Variants in KDM2A observed in about 807,000 individuals in gnomAD.
The protein encoded by KDM2A is lysine-specific demethylase 2A.
A neutral mutation model predicts 137.3 loss-of-function variants in KDM2A; 3 were observed. That is an observed-to-expected ratio of 0.02 (90% confidence interval 0.01 to 0.06). KDM2A has a LOEUF of 0.06. Ranked by LOEUF, KDM2A falls within the 10% of genes least tolerant of loss-of-function variation. The pLI is 1.00. For synonymous variants in KDM2A, 512 were observed against 541.5 expected (o/e 0.95, Z 0.76); for missense variants, 738 against 1,510.6 (o/e 0.49, Z 8.48).
At chr11:67,182,852 A>T (rs1021725809) in intron 5 of KDM2A, among the ~76,000 whole-genome samples, 1 of 152,204 alleles carries the variant, frequency 6.6e-6, no homozygotes, top group Non-Finnish European at 1.5e-5. Context: ...TCTTTTTGAA[A>T]TGCGTCCAAT....
At chr11:67,181,011 G>T (rs898336719) in intron 3 of KDM2A, among the ~76,000 whole-genome samples, 1 of 142,494 alleles carries the variant, frequency 7.0e-6, no homozygotes, top group Non-Finnish European at 1.5e-5. Flanking sequence ...GATAATTTCT[G>T]TTTAGCATTT....
chr11:67,215,481 T>C (rs1192449055), intron 7 of KDM2A, 35 bp downstream of exon 7: 3 of 1,394,476 alleles, frequency 2.2e-6, no homozygotes, highest in East Asian at 4.6e-5. Context: ...CTCCGTGTGC[T>C]GTGGGAGACC....
chr11:67,223,944 C>T (rs1004391881), intron 10 of KDM2A, among the ~76,000 whole-genome samples: 3 of 152,150 alleles, frequency 2.0e-5, no homozygotes, highest in South Asian at 2.1e-4. Context: ...ATTTTACTTC[C>T]GTGTAAGAGA....
At chr11:67,237,888 T>G (rs1858915774) in intron 12 of KDM2A, among the ~76,000 whole-genome samples, 2 of 151,976 alleles carry the variant, frequency 1.3e-5, no homozygotes, top group Non-Finnish European at 1.5e-5. Context: ...CCACTGCACT[T>G]TAGCCTGGGC....
At chr11:67,224,464 T>TC (rs1259510182) in intron 10 of KDM2A, among the ~76,000 whole-genome samples, 4 of 132,284 alleles carry the variant, frequency 3.0e-5, no homozygotes, top group East Asian at 4.4e-4. Flanking sequence ...CCCCTTTCTT[T>TC]TTTTTTTTTT....
At chr11:67,222,668 C>G (rs1858398908) in intron 10 of KDM2A, among the ~76,000 whole-genome samples, 1 of 135,720 alleles carries the variant, frequency 7.4e-6, no homozygotes, top group South Asian at 2.5e-4. Flanking sequence ...AGGCGCCCCT[C>G]AAAACTCTGT....
chr11:67,247,548 C>T (rs1470486409), intron 15 of KDM2A, among the ~76,000 whole-genome samples: 1 of 150,748 alleles, frequency 6.6e-6, no homozygotes, highest in Non-Finnish European at 1.5e-5. Flanking sequence ...CTGCCTCAGC[C>T]TCCTGAGTAG....
At chr11:67,171,203 A>T (rs1856875801) in intron 2 of KDM2A, among the ~76,000 whole-genome samples, 1 of 152,192 alleles carries the variant, frequency 6.6e-6, no homozygotes, top group South Asian at 2.1e-4. Context: ...GATACATAGA[A>T]GTTGAGAGGA....
Position 67,253,506 on chromosome 11 carries a change from A to G in KDM2A, c.2986A>G (p.Ser996Gly), listed in dbSNP as rs978269064. 14 of 1,613,724 alleles carry G rather than the reference A, an allele frequency of 8.7e-6. No individual in the cohort carries two copies. The Admixed American group carries it at 1.0e-4, about 12-fold the overall frequency. Residue 996 changes from serine to glycine, a missense_variant, in exon 19 of 21, where the codon AGC becomes GGC. Transcript: ENST00000529006. ...GCSWSAVSALSTSSCPLLRTL... is the reference protein window; with the variant it reads ...GCSWSAVSALGTSSCPLLRTL... Reference sequence around the variant, plus strand: ...CTCCTGGTCTGCAGTCTCTGCCCTCAGCACCTCCAGCTGCCCCCTTCTCAG... The same window carrying G: ...CTCCTGGTCTGCAGTCTCTGCCCTCGGCACCTCCAGCTGCCCCCTTCTCAG...
chr11:67,255,321 G>A lies in KDM2A; in HGVS notation c.*266G>A, dbSNP rs553016868. 3.9e-6 allele frequency: 2 copies of A among 508,782 alleles called. No individual in the cohort carries two copies. Among genetic ancestry groups the A allele is most frequent in the African/African-American group, 3.9e-5 (2 of 51,882 alleles). 31.5% of individuals were successfully genotyped at this position (508,782 alleles called of 1,614,324 possible). A position where few individuals can be genotyped will look rare whatever the true frequency, so the allele number is the denominator to read the frequency against. ...GGCTGTGCTGTCGAGGCGCCTGCTC[G>A]CTTACTCGCCTGCCAGGAGGCCGGG... On this transcript the variant is annotated 3_prime_UTR_variant, in exon 21 of 21. Transcript: ENST00000529006.
chr11:67,131,411 T>TC (rs1373185436), intron 2 of KDM2A, among the ~76,000 whole-genome samples: 2 of 146,710 alleles, frequency 1.4e-5, no homozygotes, highest in Non-Finnish European at 3.0e-5. Flanking sequence ...TGTTTTCTTT[T>TC]CTTTTTTTTT....
At chr11:67,158,038 C>T (rs1469899131) in intron 2 of KDM2A, among the ~76,000 whole-genome samples, 1 of 152,034 alleles carries the variant, frequency 6.6e-6, no homozygotes, top group Non-Finnish European at 1.5e-5. Context: ...AAATTATCCA[C>T]CATTACAGTA....
At chr11:67,212,018 A>C (rs1271877100) in intron 6 of KDM2A, among the ~76,000 whole-genome samples, 1 of 152,182 alleles carries the variant, frequency 6.6e-6, no homozygotes, top group Non-Finnish European at 1.5e-5. Flanking sequence ...ATAAACAGCC[A>C]GGCAAAGTAG....
intron 2 of KDM2A, among the ~76,000 whole-genome samples, chr11:67,138,309 T>C (rs1856015441): frequency 1.3e-5 from 2 of 152,236 alleles, no homozygotes; most frequent in South Asian, 4.1e-4. Flanking sequence ...ACATAAAATG[T>C]AGAGAACACA....
chr11:67,156,260 A>G (rs1179929779), intron 2 of KDM2A, among the ~76,000 whole-genome samples: 3 of 151,072 alleles, frequency 2.0e-5, no homozygotes, highest in Non-Finnish European at 2.9e-5. Flanking sequence ...AAAAAAAAAA[A>G]AAATCACAAG....
chr11:67,187,281 T>A (rs917816371), intron 5 of KDM2A, among the ~76,000 whole-genome samples: 2 of 152,106 alleles, frequency 1.3e-5, no homozygotes, highest in Middle Eastern at 3.2e-3. Context: ...AATACCAAAA[T>A]GACAGAAGTA....
chr11:67,199,341 A>G (rs1270248299), intron 5 of KDM2A, among the ~76,000 whole-genome samples: 1 of 152,216 alleles, frequency 6.6e-6, no homozygotes, highest in African/African-American at 2.4e-5. Flanking sequence ...CAAAAGTTAG[A>G]AATGATTAAG....
intron 5 of KDM2A, among the ~76,000 whole-genome samples, chr11:67,194,298 C>G (rs958231808): frequency 6.6e-6 from 1 of 152,260 alleles, no homozygotes; most frequent in Non-Finnish European, 1.5e-5. Context: ...TTGCTTTACC[C>G]CCAGCTGTCC....
At chr11:67,247,069 ATATTTTTTTTTTTTTTTTTTT>A (rs1454020753) in intron 15 of KDM2A, among the ~76,000 whole-genome samples, 28 of 21,056 alleles carry the variant, frequency 1.3e-3, no homozygotes, top group Non-Finnish European at 2.3e-3. Flanking sequence ...ATATATATAT[ATATTTTTTTTTTTTTTTTTTT>A]TTTTTTTTTT....
Sources: gnomAD v4.1 joint callset for allele counts (sites outside exome capture counted in the v4.1 genomes callset) on GRCh38, gnomAD v4.1.1 for gene constraint, MANE v1.5 for transcripts, NCBI Gene and HGNC (gene_info 2026-07-23, HGNC 2026-07-21) for gene names.